LRRC7: variants seen among roughly 807,000 people sequenced by gnomAD.
LRRC7 encodes leucine rich repeat containing 7.
A neutral mutation model predicts 175.7 loss-of-function variants in LRRC7; 23 were observed. The observed-to-expected ratio is 0.13, with a 90% CI of 0.09 to 0.19. LRRC7 has a LOEUF of 0.19. Among genes scored for constraint, LRRC7 ranks in the 10% least tolerant of loss-of-function variants. The pLI is 1.00. For missense variants in LRRC7, 1,354 were observed against 1,904.7 expected, an observed-to-expected ratio of 0.71 and a Z score of 5.38; for synonymous variants, 685 against 680.9, an observed-to-expected ratio of 1.01 and a Z score of -0.09.
At chr1:69,653,309 A>ACTT (rs1656138335) in intron 1 of LRRC7, among the ~76,000 whole-genome samples, 1 of 151,880 alleles carries the variant, frequency 6.6e-6, no homozygotes, top group South Asian at 2.1e-4. Flanking sequence ...TTATTATTAT[A>ACTT]CTTTAAGTTT....
intron 8 of LRRC7, among the ~76,000 whole-genome samples, chr1:69,942,263 C>T (rs1648801234): frequency 6.6e-6 from 1 of 152,100 alleles, no homozygotes; most frequent in South Asian, 2.1e-4. Flanking sequence ...CCCCATACAA[C>T]TTCCTTTAAG....
intron 2 of LRRC7, among the ~76,000 whole-genome samples, chr1:69,755,167 G>A (rs890934893): frequency 6.6e-6 from 1 of 151,774 alleles, no homozygotes; most frequent in African/African-American, 2.4e-5. Flanking sequence ...AGGATTAAAA[G>A]GCTAAAAGGA....
intron 1 of LRRC7, among the ~76,000 whole-genome samples, chr1:69,624,951 CA>C (rs1342909736): frequency 6.6e-6 from 1 of 151,988 alleles, no homozygotes; most frequent in Non-Finnish European, 1.5e-5. Flanking sequence ...CCTTATTCTT[CA>C]ATACTGTCAT....
chr1:69,688,192 A>T (rs1661412469), intron 2 of LRRC7, among the ~76,000 whole-genome samples: 1 of 152,254 alleles, frequency 6.6e-6, no homozygotes, highest in Non-Finnish European at 1.5e-5. Flanking sequence ...GCTTTATGGT[A>T]AATCAGCTAA....
intron 1 of LRRC7, among the ~76,000 whole-genome samples, chr1:69,575,897 T>C (rs999264438): frequency 6.6e-6 from 1 of 152,104 alleles, no homozygotes; most frequent in Non-Finnish European, 1.5e-5. Context: ...TAAAATACAA[T>C]ACAGTTGGAA....
intron 1 of LRRC7, among the ~76,000 whole-genome samples, chr1:69,626,437 G>A (rs1651563292): frequency 6.6e-6 from 1 of 151,002 alleles, no homozygotes; most frequent in Admixed American, 6.6e-5. Context: ...CAGTTAGAAG[G>A]GTTGGTCTGA....
At chr1:69,635,517 A>G (rs1334499224) in intron 1 of LRRC7, among the ~76,000 whole-genome samples, 1 of 152,132 alleles carries the variant, frequency 6.6e-6, no homozygotes, top group Non-Finnish European at 1.5e-5. Context: ...AGATAACCAA[A>G]CAATGCAAAC....
Position 70,122,115 on chromosome 1 carries a change from G to A in LRRC7, c.*228G>A. On this transcript the variant is annotated 3_prime_UTR_variant, in exon 27 of 27. Transcript: ENST00000651989. ...ATTGTCAGCCTCTGGCTGTGCATTG[G>A]TGCAGTTTTGTTTCTGTTTTTGTTT... 1 of 335,280 alleles carries A rather than the reference G, an allele frequency of 3.0e-6. No homozygotes were observed. Among genetic ancestry groups the A allele is most frequent in the Non-Finnish European group, 5.4e-6 (1 of 186,126 alleles). 20.8% of individuals were successfully genotyped at this position (335,280 alleles called of 1,614,324 possible). A position where few individuals can be genotyped will look rare whatever the true frequency, so the allele number is the denominator to read the frequency against.
chr1:69,577,162 T>G (rs758387195), intron 1 of LRRC7, among the ~76,000 whole-genome samples: 2 of 152,194 alleles, frequency 1.3e-5, no homozygotes, highest in Non-Finnish European at 2.9e-5. Flanking sequence ...GCTTTTGTAC[T>G]TTGGTACAAG....
chr1:69,681,463 C>G (rs1225205111), intron 2 of LRRC7, among the ~76,000 whole-genome samples: 1 of 151,976 alleles, frequency 6.6e-6, no homozygotes, highest in Non-Finnish European at 1.5e-5. Context: ...TTCTCTATAC[C>G]ACTTTACAAT....
chr1:70,005,908 A>G (rs894699097), intron 11 of LRRC7, among the ~76,000 whole-genome samples: 4 of 151,402 alleles, frequency 2.6e-5, no homozygotes, highest in African/African-American at 9.8e-5. Flanking sequence ...AAAGTACTTC[A>G]CACATTCTTT....
intron 23 of LRRC7, among the ~76,000 whole-genome samples, chr1:70,068,050 G>A (rs758859522): frequency 2.4e-4 from 37 of 152,116 alleles, no homozygotes; most frequent in Non-Finnish European, 2.5e-4. Flanking sequence ...CAGTGTCATC[G>A]TAAATAAGAA....
At chr1:69,605,861 G>A (rs1414792068) in intron 1 of LRRC7, among the ~76,000 whole-genome samples, 1 of 151,816 alleles carries the variant, frequency 6.6e-6, no homozygotes, top group Non-Finnish European at 1.5e-5. Context: ...TAGATTATAG[G>A]GTTATTTTAG....
At chr1:69,733,518 CATCTTT>C (rs1667798380) in intron 2 of LRRC7, among the ~76,000 whole-genome samples, 9 of 151,984 alleles carry the variant, frequency 5.9e-5, no homozygotes, top group Admixed American at 2.6e-4. Context: ...GTACCTGATT[CATCTTT>C]GTTAGCTACA....
chr1:69,780,183 G>A (rs573453496), intron 3 of LRRC7, among the ~76,000 whole-genome samples: 89 of 152,322 alleles, frequency 5.8e-4, no homozygotes, highest in Non-Finnish European at 1.1e-3. Flanking sequence ...AGGGGTAGAT[G>A]TTAGTGTGGG....
chr1:69,733,880 T>A lies in LRRC7; in HGVS notation c.101-26311T>A, dbSNP rs1386389293. ...ATGTCATCATACTTTCTTTTTATTG[T>A]TAATTGTACTGATCACCCACCAACC... On this transcript the variant is annotated intron_variant, in intron 2 of 26. Coordinates refer to ENST00000651989, the MANE Select transcript of LRRC7 (RefSeq NM_001370785.2). 2.6e-5 allele frequency among the ~76,000 whole-genome samples: 4 copies of A among 152,144 alleles called. No homozygotes were observed. In the East Asian group the frequency reaches 7.7e-4, roughly 29 times the overall value.
chr1:69,743,653 G>T (rs1325571808), intron 2 of LRRC7, among the ~76,000 whole-genome samples: 3 of 151,928 alleles, frequency 2.0e-5, no homozygotes, highest in African/African-American at 7.2e-5. Flanking sequence ...TGCTTCCAAA[G>T]GTTTAGTGTA....
At chr1:69,671,781 G>C (rs1659114156) in intron 1 of LRRC7, among the ~76,000 whole-genome samples, 1 of 152,148 alleles carries the variant, frequency 6.6e-6, no homozygotes, top group Non-Finnish European at 1.5e-5. Flanking sequence ...TGCTATGACA[G>C]GGGCAGCATT....
intron 2 of LRRC7, among the ~76,000 whole-genome samples, chr1:69,746,092 A>C (rs1017887716): frequency 6.6e-5 from 10 of 151,936 alleles, no homozygotes; most frequent in African/African-American, 2.4e-4. Context: ...TGTATTTTCT[A>C]GGGTAATGTA....
Sources: gnomAD v4.1 joint callset for allele counts (sites outside exome capture counted in the v4.1 genomes callset) on GRCh38, gnomAD v4.1.1 for gene constraint, MANE v1.5 for transcripts, NCBI Gene and HGNC (gene_info 2026-07-23, HGNC 2026-07-21) for gene names.